CDH4: variants seen among roughly 807,000 people sequenced by gnomAD.
CDH4 encodes the protein cadherin-4.
A neutral mutation model predicts 86.0 loss-of-function variants in CDH4; 33 were observed. That is an observed-to-expected ratio of 0.38 (90% confidence interval 0.29 to 0.51). The LOEUF is 0.51. Ranked by LOEUF, CDH4 falls within the 20% of genes least tolerant of loss-of-function variation. The pLI is 0.86. For synonymous variants in CDH4, 555 were observed against 549.4 expected (o/e 1.01, Z -0.14); for missense variants, 1,114 against 1,307.4 (o/e 0.85, Z 2.28).
intron 7 of CDH4, 68 bp from the exon 8 acceptor site, chr20:61,894,842 A>G (rs1362384910): frequency 6.6e-7 from 1 of 1,516,736 alleles, no homozygotes; most frequent in East Asian, 2.3e-5. Flanking sequence ...ATTTCTTTTG[A>G]TAAGTGCCCT....
chr20:61,306,436 C>G (rs1480252240), intron 2 of CDH4, among the ~76,000 whole-genome samples: 2 of 152,008 alleles, frequency 1.3e-5, no homozygotes, highest in Admixed American at 6.6e-5. Flanking sequence ...CTCCCAGGTT[C>G]AAGCAATTCT....
At chr20:61,459,270 G>C (rs2085428627) in intron 2 of CDH4, among the ~76,000 whole-genome samples, 1 of 152,000 alleles carries the variant, frequency 6.6e-6, no homozygotes, top group Non-Finnish European at 1.5e-5. Context: ...CAAACACAAA[G>C]TTGCCAGTGA....
At chr20:61,758,535 G>A (rs2088593300) in intron 3 of CDH4, among the ~76,000 whole-genome samples, 1 of 152,184 alleles carries the variant, frequency 6.6e-6, no homozygotes, top group Admixed American at 6.5e-5. Context: ...GAGCCCCGGG[G>A]TGAATCTGCC....
At chr20:61,457,068 C>A (rs1020504018) in intron 2 of CDH4, among the ~76,000 whole-genome samples, 3 of 152,170 alleles carry the variant, frequency 2.0e-5, no homozygotes, top group Non-Finnish European at 2.9e-5. Flanking sequence ...AGAGAGCAAA[C>A]CTGTGTTTAC....
At chr20:61,321,184 G>A (rs748365357) in intron 2 of CDH4, among the ~76,000 whole-genome samples, 24 of 152,198 alleles carry the variant, frequency 1.6e-4, no homozygotes, top group Non-Finnish European at 2.2e-4. Flanking sequence ...CTCATTAGTC[G>A]TTGATTGAGG....
At chr20:61,282,581 C>T (rs2084265629) in intron 2 of CDH4, among the ~76,000 whole-genome samples, 1 of 145,974 alleles carries the variant, frequency 6.9e-6, no homozygotes, top group Non-Finnish European at 1.5e-5. Context: ...GTATGTCTAT[C>T]TGTACTTGTA....
chr20:61,907,938 T>C (rs2054808766), intron 8 of CDH4, among the ~76,000 whole-genome samples: 1 of 152,180 alleles, frequency 6.6e-6, no homozygotes. Flanking sequence ...GAGATCCCAC[T>C]TTGGATAAAT....
Position 61,516,866 on chromosome 20 carries a change from G to A in CDH4, c.170-226697G>A, listed in dbSNP as rs546416325. 9.8e-5 allele frequency among the ~76,000 whole-genome samples: 15 copies of A among 152,300 alleles called. No individual in the cohort carries two copies. Among genetic ancestry groups the A allele is most frequent in the African/African-American group, 2.2e-4 (9 of 41,566 alleles). On this transcript the variant is annotated intron_variant, in intron 2 of 15. Coordinates refer to ENST00000614565, the MANE Select transcript of CDH4 (RefSeq NM_001794.5). The surrounding 1 kb of genome is among the most constrained non-coding windows in gnomAD (Gnocchi z 4.0). ...CTGCTCCCCTACTCCCTGGCTCCTCGTCCTAGCAAGGAGCTCCAGGCACCC... is the reference window on the plus strand; with the variant it reads ...CTGCTCCCCTACTCCCTGGCTCCTCATCCTAGCAAGGAGCTCCAGGCACCC...
intron 2 of CDH4, among the ~76,000 whole-genome samples, chr20:61,555,046 A>G (rs2086166558): frequency 6.6e-6 from 1 of 152,172 alleles, no homozygotes; most frequent in East Asian, 1.9e-4. Flanking sequence ...ATGTATGAGC[A>G]TATGTGAGTG....
intron 2 of CDH4, among the ~76,000 whole-genome samples, chr20:61,339,980 A>T (rs1370503210): frequency 6.6e-6 from 1 of 152,216 alleles, no homozygotes; most frequent in Non-Finnish European, 1.5e-5. Flanking sequence ...AGTTCCTTTT[A>T]TGAATAAAAA....
intron 2 of CDH4, among the ~76,000 whole-genome samples, chr20:61,546,440 A>G (rs1336447616): frequency 6.6e-6 from 1 of 151,642 alleles, no homozygotes; most frequent in Non-Finnish European, 1.5e-5. Flanking sequence ...ACTTTGTGTT[A>G]GTGACATTCT....
chr20:61,690,171 C>T (rs1015083826), intron 2 of CDH4, among the ~76,000 whole-genome samples: 1 of 147,926 alleles, frequency 6.8e-6, no homozygotes, highest in Non-Finnish European at 1.5e-5. Flanking sequence ...CCAGTGGGGA[C>T]AGTGGTTGGT....
At chr20:61,697,046 G>A (rs556007569) in intron 2 of CDH4, among the ~76,000 whole-genome samples, 4 of 152,262 alleles carry the variant, frequency 2.6e-5, no homozygotes, top group South Asian at 2.1e-4. Flanking sequence ...TAGAGCCTTC[G>A]GAGGGAGCAT....
intron 4 of CDH4, among the ~76,000 whole-genome samples, chr20:61,775,449 G>A (rs559495918): frequency 1.2e-4 from 18 of 152,202 alleles, no homozygotes; most frequent in Non-Finnish European, 1.2e-4. Context: ...TTTCTGTGAA[G>A]GGCCAGGTGG....
intron 4 of CDH4, among the ~76,000 whole-genome samples, chr20:61,825,889 C>G (rs1112040): frequency 0.02 from 3,082 of 152,304 alleles, 80 homozygotes; most frequent in East Asian, 0.1. Context: ...GACCTTGGAG[C>G]TCTGCTTGAT....
chr20:61,894,770 C>T (rs769666122), intron 7 of CDH4, 140 bp from the exon 8 acceptor site: 14 of 880,136 alleles, frequency 1.6e-5, no homozygotes, highest in Admixed American at 2.7e-5. Context: ...AAGGGCCCTG[C>T]GCCCAGCACA....
At chr20:61,324,178 G>A (rs963313101) in intron 2 of CDH4, among the ~76,000 whole-genome samples, 1 of 152,136 alleles carries the variant, frequency 6.6e-6, no homozygotes, top group Non-Finnish European at 1.5e-5. Context: ...GTGCCTGGCT[G>A]TGGAGACAGA....
intron 2 of CDH4, among the ~76,000 whole-genome samples, chr20:61,734,970 C>T (rs1034360455): frequency 6.6e-5 from 10 of 151,768 alleles, no homozygotes; most frequent in Admixed American, 3.3e-4. Context: ...CTCGGGCAGG[C>T]GCCTGGTGAT....
intron 2 of CDH4, among the ~76,000 whole-genome samples, chr20:61,424,090 A>T (rs1467895952): frequency 6.6e-6 from 1 of 152,094 alleles, no homozygotes; most frequent in East Asian, 1.9e-4. Flanking sequence ...ACACGTATAC[A>T]CACGTATACA....
Sources: gnomAD v4.1 joint callset for allele counts (sites outside exome capture counted in the v4.1 genomes callset) on GRCh38, gnomAD v4.1.1 for gene constraint, Gnocchi (gnomAD v3.1) non-coding constraint, MANE v1.5 for transcripts, NCBI Gene and HGNC (gene_info 2026-07-23, HGNC 2026-07-21) for gene names.